The following PIEZO1 variants were observed in gnomAD, a reference collection of about 807,000 sequenced individuals.
PIEZO1 encodes the protein piezo type mechanosensitive ion channel component 1 (Er blood group), also known as piezo-type mechanosensitive ion channel component 1.
PIEZO1 carries 296 observed loss-of-function variants against 297.2 expected under a neutral mutation model. The observed-to-expected ratio is 1.00, with a 90% CI of 0.91 to 1.10. PIEZO1 has a LOEUF of 1.10. PIEZO1 is among the 50% of genes least tolerant of loss of function. The probability of loss-of-function intolerance (pLI) is 0.00; values close to 1 mark genes in which losing one functional copy is unlikely to be tolerated. For synonymous variants in PIEZO1, 2,427 were observed against 1,507.5 expected (o/e 1.61, Z -14.13); for missense variants, 5,018 against 3,455.5 (o/e 1.45, Z -11.34).
chr16:88,735,779 A>G (rs1182370397), intron 12 of PIEZO1, among the ~76,000 whole-genome samples: 2 of 152,242 alleles, frequency 1.3e-5, no homozygotes, highest in African/African-American at 2.4e-5. Context: ...CATGGTGCCA[A>G]TGGGCAGAGC....
chr16:88,720,615 C>T lies in PIEZO1; in HGVS notation c.5801+1G>A. 1.3e-6 allele frequency: 2 copies of T among 1,544,624 alleles called. No homozygotes were observed. Among genetic ancestry groups the T allele is most frequent in the Non-Finnish European group, 8.7e-7 (1 of 1,145,448 alleles). ...AGCTGCCCCCGGCCGCCATCACTCA[C>T]AGGGACAGGCAGAAGCCCTGCAGCC... On this transcript the variant is annotated splice_donor_variant, in intron 40 of 50. Transcript: ENST00000301015. LOFTEE classifies it high-confidence loss of function.
intron 1 of PIEZO1, among the ~76,000 whole-genome samples, chr16:88,770,273 A>G (rs371880833): frequency 1.4e-3 from 206 of 152,156 alleles, no homozygotes; most frequent in African/African-American, 4.7e-3. Context: ...GAGACCTCTC[A>G]GCCTGATGCC....
At chr16:88,726,192 AC>A in intron 27 of PIEZO1, 91 bp downstream of exon 27, 2 of 1,125,102 alleles carry the variant, frequency 1.8e-6, no homozygotes, top group South Asian at 3.2e-5. Context: ...CCTGCCCTCC[AC>A]GGGCCGGGGC....
Position 88,715,542 on chromosome 16 carries a change from G to C in PIEZO1, c.*63C>G, listed in dbSNP as rs977653163. On this transcript the variant is annotated 3_prime_UTR_variant, in exon 51 of 51. Transcript: ENST00000301015. ...TGGCTCCCCCGGCCTGAGGAGTGCC[G>C]CCCCTTGTGGCCACGCTGCCCAGCA... 2.2e-5 allele frequency: 33 copies of C among 1,479,790 alleles called. No homozygotes were observed. Among genetic ancestry groups the C allele is most frequent in the Non-Finnish European group, 2.6e-5 (28 of 1,097,348 alleles). The allele number at this position is 1,479,790 out of a possible 1,614,324, so 91.7% of individuals were successfully genotyped here. A position where few individuals can be genotyped will look rare whatever the true frequency, so the allele number is the denominator to read the frequency against.
At chr16:88,757,687 C>G (rs1196957711) in intron 1 of PIEZO1, among the ~76,000 whole-genome samples, 2 of 152,156 alleles carry the variant, frequency 1.3e-5, no homozygotes, top group African/African-American at 4.8e-5. Context: ...GTTCCTGGCC[C>G]TGAAGGAGCC....
rs763940836 is a variant in PIEZO1 at position 88,722,053 on chromosome 16, G to A, written c.4969C>T (p.Pro1657Ser). ...ELLLDRRLRI[P>S]ELEEAELFAE... ...AACAGCTCTGCCTCCTCCAGCTCTG[G>A]GATGCGCAGGCGCCTACAGGGAGAC... The change falls in exon 37 of 51, where the codon CCA becomes TCA. Residue 1657 changes from proline (P) to serine (S), a missense_variant. Coordinates refer to ENST00000301015, the MANE Select transcript of PIEZO1 (RefSeq NM_001142864.4). The A allele has an allele frequency of 1.4e-4, 210 of 1,546,432 alleles. No individual in the cohort carries two copies. Among genetic ancestry groups the A allele is most frequent in the Middle Eastern group, 8.5e-4 (4 of 4,720 alleles).
At chr16:88,721,053 T>C in intron 39 of PIEZO1, 113 bp downstream of exon 39, 1 of 1,120,400 alleles carries the variant, frequency 8.9e-7, no homozygotes, top group Admixed American at 2.9e-5. Flanking sequence ...CTTCCTGGGA[T>C]CCAGGTGGGC....
chr16:88,734,113 G>T, intron 16 of PIEZO1, 59 bp from the exon 17 acceptor site: 1 of 1,465,774 alleles, frequency 6.8e-7, no homozygotes, highest in Non-Finnish European at 9.1e-7. Context: ...CATTTCCTGG[G>T]GCTGGAAGAA....
intron 1 of PIEZO1, among the ~76,000 whole-genome samples, chr16:88,774,856 C>T (rs1002620406): frequency 2.0e-5 from 3 of 152,184 alleles, no homozygotes; most frequent in Admixed American, 6.5e-5. Context: ...GCCTCCTGGG[C>T]GCTGAAACCA....
chr16:88,753,134 C>A (rs1906478386), intron 1 of PIEZO1, among the ~76,000 whole-genome samples: 1 of 104,784 alleles, frequency 9.5e-6, no homozygotes, highest in Non-Finnish European at 1.9e-5. Flanking sequence ...CCCCGGAGCA[C>A]CCCTGCCCCC....
chr16:88,761,679 C>A (rs558297465), intron 1 of PIEZO1, among the ~76,000 whole-genome samples: 1 of 152,012 alleles, frequency 6.6e-6, no homozygotes, highest in Non-Finnish European at 1.5e-5. Context: ...CCCCACCCCA[C>A]GCGTGAGACA....
chr16:88,784,743 G>A (rs1258374694), intron 1 of PIEZO1, among the ~76,000 whole-genome samples, 158 bp downstream of exon 1: 1 of 151,602 alleles, frequency 6.6e-6, no homozygotes, highest in Non-Finnish European at 1.5e-5. Flanking sequence ...GCGCGCTCAT[G>A]CTTCAGGAAT....
rs905017866 is a variant in PIEZO1 at position 88,732,493 on chromosome 16, C to T, written c.2833G>A (p.Val945Met). 1.5e-5 allele frequency: 24 copies of T among 1,548,506 alleles called. No individual in the cohort carries two copies. The highest frequency in any genetic ancestry group is 1.1e-4 in the African/African-American group (8 of 72,998). ...CGGTAGTGCTCCTGGCGCCGGTACA[C>T]GATGGCCTCGAATACCAGCAGCAGC... ...VLLLLVFEAI[V>M]YRRQEHYRRQ... Residue 945 changes from valine (V) to methionine (M), a missense_variant, in exon 21 of 51, where the codon GTG becomes ATG. Val to Met is a conservative substitution (Grantham distance 21). Coordinates refer to ENST00000301015, the MANE Select transcript of PIEZO1 (RefSeq NM_001142864.4).
chr16:88,722,410 G>T lies in PIEZO1; in HGVS notation c.4776-13C>A, dbSNP rs1355316754. ...CGCGCCCAGCCCACTGGGGAGGGAAGCCGAGTCACAGAGAATCCTGCTCTA... is the reference window on the plus strand; with the variant it reads ...CGCGCCCAGCCCACTGGGGAGGGAATCCGAGTCACAGAGAATCCTGCTCTA... On this transcript the variant is annotated splice_polypyrimidine_tract_variant and intron_variant, in intron 35 of 50. Coordinates refer to ENST00000301015, the MANE Select transcript of PIEZO1 (RefSeq NM_001142864.4). 134 of 1,485,830 alleles carry T rather than the reference G, an allele frequency of 9.0e-5. No homozygotes were observed. The highest frequency in any genetic ancestry group is 2.0e-5 in the Non-Finnish European group (22 of 1,113,826). The allele number at this position is 1,485,830 out of a possible 1,614,324, so 92.0% of individuals were successfully genotyped here.
Position 88,738,628 on chromosome 16 carries a change from C to T in PIEZO1, c.574G>A (p.Ala192Thr), listed in dbSNP as rs772460341. Residue 192 changes from alanine to threonine, a missense_variant, in exon 6 of 51, where the codon GCC becomes ACC. By Grantham distance (58) the Ala-to-Thr change is moderately conservative. Transcript: ENST00000301015. ...SRLAARFRVT[A>T]HWLLVAAGRV... Reference sequence around the variant, plus strand: ...CCAGCCGCCACCAGCAGCCAGTGGGCCGTGACTCGGAAACGAGCGGCCAGC... The same window carrying T: ...CCAGCCGCCACCAGCAGCCAGTGGGTCGTGACTCGGAAACGAGCGGCCAGC... The T allele has an allele frequency of 2.6e-6, 4 of 1,535,684 alleles. No individual in the cohort carries two copies. The highest frequency in any genetic ancestry group is 1.2e-5 in the South Asian group (1 of 84,052).
At position 88,721,195 on chromosome 16, in the gene PIEZO1, C is replaced by T. The variant is rs780260086; in HGVS notation, c.5639G>A (p.Gly1880Asp). Residue 1880 changes from glycine (G) to aspartate (D), a missense_variant, in exon 39 of 51, where the codon GGC becomes GAC. Physicochemically the swap from Gly to Asp is moderately conservative, Grantham distance 94. Coordinates refer to ENST00000301015, the MANE Select transcript of PIEZO1 (RefSeq NM_001142864.4). ...SLRFRRRKKE[G>D]PARKGAAAIE... ...GGCTGCCGCTCCTTTCCGTGCTGGG[C>T]CCTCCTTCTTCCTTCTTCTAAAACG... 3.2e-5 allele frequency: 48 copies of T among 1,504,064 alleles called. 1 individual carries two copies. Among genetic ancestry groups the T allele is most frequent in the Non-Finnish European group, 3.9e-5 (44 of 1,124,464 alleles). The allele number at this position is 1,504,064 out of a possible 1,614,324, so 93.2% of individuals were successfully genotyped here. A position where few individuals can be genotyped will look rare whatever the true frequency, so the allele number is the denominator to read the frequency against.
chr16:88,764,677 G>A (rs1012038837), intron 1 of PIEZO1, among the ~76,000 whole-genome samples: 8 of 151,376 alleles, frequency 5.3e-5, no homozygotes, highest in Admixed American at 1.3e-4. Context: ...CTTGAACCTG[G>A]GAGCCTGGGA....
rs1567665288 is a variant in PIEZO1, at chr16:88,725,692, GA to G, written c.3969-9del. 6 of 1,459,524 alleles carry G rather than the reference GA, an allele frequency of 4.1e-6. No individual in the cohort carries two copies. The African/African-American group carries it at 8.4e-5, about 21-fold the overall frequency. 90.4% of individuals were successfully genotyped at this position (1,459,524 alleles called of 1,614,324 possible). On this transcript the variant is annotated splice_polypyrimidine_tract_variant and intron_variant, in intron 27 of 50. Coordinates refer to ENST00000301015, the MANE Select transcript of PIEZO1 (RefSeq NM_001142864.4). ...TTGTAGAGGGCGAAGCCCCTGTAGG[GA>G]GGCGGGGATGGGGTGTGAGCACCAG...
intron 1 of PIEZO1, among the ~76,000 whole-genome samples, chr16:88,766,035 G>A (rs956138981): frequency 4.6e-5 from 7 of 152,170 alleles, no homozygotes; most frequent in Admixed American, 2.0e-4. Context: ...CATCACATGC[G>A]AGTCAGCGCA....
Sources: gnomAD v4.1 joint callset for allele counts (sites outside exome capture counted in the v4.1 genomes callset) on GRCh38, gnomAD v4.1.1 for gene constraint, MANE v1.5 for transcripts, NCBI Gene and HGNC (gene_info 2026-07-23, HGNC 2026-07-21) for gene names.